The following MEI4 variants were observed in gnomAD, a reference collection of about 807,000 sequenced individuals.
MEI4 encodes the protein meiotic double-stranded break formation protein 4, also known as meiosis-specific protein MEI4.
In MEI4, 27 loss-of-function variants were observed where a neutral mutation model predicts 31.4. The observed-to-expected ratio is 0.86, with a 90% CI of 0.63 to 1.19. The LOEUF is 1.19. Ranked by LOEUF, MEI4 falls within the 50% of genes most tolerant of loss-of-function variation. The pLI is 0.00. For synonymous variants in MEI4, 122 were observed against 145.4 expected, an observed-to-expected ratio of 0.84 and a Z score of 1.16; for missense variants, 329 against 398.9, an observed-to-expected ratio of 0.82 and a Z score of 1.49.
intron 2 of MEI4, among the ~76,000 whole-genome samples, chr6:77,708,619 C>T (rs959369972): frequency 1.2e-4 from 18 of 152,260 alleles, no homozygotes; most frequent in African/African-American, 4.1e-4. Flanking sequence ...ATGTGATCCC[C>T]AGTGTTGAAG....
Position 77,804,993 on chromosome 6 carries a change from C to T in MEI4, c.769-23938C>T, listed in dbSNP as rs1226599801. 5.3e-5 allele frequency among the ~76,000 whole-genome samples: 8 copies of T among 152,158 alleles called. No homozygotes were observed. The East Asian group carries it at 5.8e-4, about 11-fold the overall frequency. ...ACTTTTGGCATCGTTTGGCATATGC[C>T]ATTTTAACTATAAAACATTTTGAAA... On this transcript the variant is annotated intron_variant, in intron 3 of 4. Transcript: ENST00000684080.
intron 2 of MEI4, among the ~76,000 whole-genome samples, chr6:77,754,633 T>C (rs1767865996): frequency 6.6e-6 from 1 of 152,208 alleles, no homozygotes; most frequent in Non-Finnish European, 1.5e-5. Context: ...ATTTCTTGTA[T>C]TAGTTCATTT....
intron 4 of MEI4, among the ~76,000 whole-genome samples, chr6:77,887,934 A>G (rs1771663502): frequency 6.6e-6 from 1 of 152,184 alleles, no homozygotes. Context: ...TGCTTTATAT[A>G]TCTGGATGCT....
chr6:77,807,057 T>C (rs1769459096), intron 3 of MEI4, among the ~76,000 whole-genome samples: 1 of 152,096 alleles, frequency 6.6e-6, no homozygotes, highest in Non-Finnish European at 1.5e-5. Flanking sequence ...CTGATCAGAT[T>C]TATGACTTAG....
intron 1 of MEI4, among the ~76,000 whole-genome samples, chr6:77,679,580 T>A (rs938739561): frequency 1.3e-5 from 2 of 151,790 alleles, no homozygotes; most frequent in African/African-American, 2.4e-5. Context: ...ATGATTATAC[T>A]TGTCTAGGAT....
At chr6:77,878,349 T>C (rs1026992909) in intron 4 of MEI4, among the ~76,000 whole-genome samples, 16 of 152,158 alleles carry the variant, frequency 1.1e-4, no homozygotes, top group African/African-American at 2.7e-4. Context: ...GGACTTTTCC[T>C]GATGCCTACT....
At chr6:77,902,549 T>C (rs984051715) in intron 4 of MEI4, among the ~76,000 whole-genome samples, 22 of 152,242 alleles carry the variant, frequency 1.4e-4, no homozygotes, top group African/African-American at 5.3e-4. Flanking sequence ...TGTGTATTGA[T>C]TTTGTATCCT....
intron 4 of MEI4, among the ~76,000 whole-genome samples, chr6:77,910,070 T>A (rs925303885): frequency 1.3e-5 from 2 of 152,040 alleles, no homozygotes; most frequent in African/African-American, 4.8e-5. Context: ...AAATAATAAG[T>A]GCTGTCTATG....
chr6:77,747,242 G>A (rs577406785), intron 2 of MEI4, among the ~76,000 whole-genome samples: 1 of 152,212 alleles, frequency 6.6e-6, no homozygotes, highest in South Asian at 2.1e-4. Context: ...AACCCAGGAA[G>A]CAGAGATTGT....
intron 3 of MEI4, among the ~76,000 whole-genome samples, chr6:77,822,082 T>A (rs1769839950): frequency 6.6e-6 from 1 of 152,172 alleles, no homozygotes; most frequent in Admixed American, 6.5e-5. Context: ...ATATTTTTCT[T>A]TTTCTTTTGA....
chr6:77,674,565 T>C (rs1221553455), intron 1 of MEI4, among the ~76,000 whole-genome samples: 1 of 152,166 alleles, frequency 6.6e-6, no homozygotes, highest in Non-Finnish European at 1.5e-5. Context: ...CAACAGGCAA[T>C]ATCATATAGG....
intron 1 of MEI4, among the ~76,000 whole-genome samples, chr6:77,686,899 A>C (rs1769066735): frequency 1.4e-5 from 1 of 69,506 alleles, no homozygotes; most frequent in Non-Finnish European, 3.9e-5. Flanking sequence ...ATGTTTCATC[A>C]GTGATCTTGG....
intron 2 of MEI4, among the ~76,000 whole-genome samples, chr6:77,756,527 A>G (rs1175417036): frequency 6.7e-6 from 1 of 149,886 alleles, no homozygotes; most frequent in East Asian, 2.0e-4. Flanking sequence ...ATAAAAAAGC[A>G]TATTATTGGC....
rs552654003 is a variant in MEI4, at chr6:77,753,531, C to A, written c.233-7599C>A. On this transcript the variant is annotated intron_variant, in intron 2 of 4. Coordinates refer to ENST00000684080, the MANE Select transcript of MEI4 (RefSeq NM_001322247.2). ...AGCATCGCTGATCATTAGAGAAATG[C>A]AAATCAAAACCACAATGAGATATCA... Among the ~76,000 whole-genome samples, 12 of 152,260 alleles carry A rather than the reference C, an allele frequency of 7.9e-5. No homozygotes were observed. The South Asian group carries it at 2.3e-3, about 29-fold the overall frequency.
intron 2 of MEI4, among the ~76,000 whole-genome samples, chr6:77,695,446 C>T (rs964104089): frequency 3.4e-4 from 51 of 152,124 alleles, no homozygotes; most frequent in Middle Eastern, 3.4e-3. Context: ...TTGTATAAGG[C>T]GTAAGGAAGG....
rs73763519 is a variant in MEI4, at chr6:77,897,439, C to G, written c.901-25650C>G. ...CATAAATTCAGCTTCAAGAAACAGA[C>G]TTGTGAAAAGTAAAATAGATTAATG... On this transcript the variant is annotated intron_variant, in intron 4 of 4. Coordinates refer to ENST00000684080, the MANE Select transcript of MEI4 (RefSeq NM_001322247.2). 9.1e-3 allele frequency among the ~76,000 whole-genome samples: 1,380 copies of G among 151,984 alleles called. 17 individuals carry two copies. The highest frequency in any genetic ancestry group is 0.031 in the African/African-American group (1,279 of 41,488).
chr6:77,806,147 A>T (rs948109381), intron 3 of MEI4, among the ~76,000 whole-genome samples: 2 of 152,164 alleles, frequency 1.3e-5, no homozygotes, highest in African/African-American at 2.4e-5. Flanking sequence ...GCATGTACAT[A>T]AAGTGCATAG....
chr6:77,912,823 G>A (rs1288652743), intron 4 of MEI4, among the ~76,000 whole-genome samples: 2 of 151,994 alleles, frequency 1.3e-5, no homozygotes, highest in East Asian at 3.9e-4. Flanking sequence ...GCTCTGGTTA[G>A]GACTTCTAGT....
intron 2 of MEI4, among the ~76,000 whole-genome samples, chr6:77,747,912 G>A (rs1356831478): frequency 1.3e-5 from 2 of 152,180 alleles, no homozygotes; most frequent in Non-Finnish European, 2.9e-5. Flanking sequence ...TTCCAAATGG[G>A]AGAAATTGAC....
Sources: allele counts gnomAD v4.1 joint callset (sites outside exome capture counted in the v4.1 genomes callset), GRCh38; gene constraint gnomAD v4.1.1; transcripts MANE v1.5; gene names NCBI Gene and HGNC (gene_info 2026-07-23, HGNC 2026-07-21).